The following PKHD1 variants were observed in gnomAD, a reference collection of about 807,000 sequenced individuals.
PKHD1 encodes PKHD1 ciliary IPT domain containing fibrocystin/polyductin, also known as fibrocystin.
In PKHD1, 291 loss-of-function variants were observed where a neutral mutation model predicts 412.0. The observed-to-expected ratio is 0.71, with a 90% CI of 0.64 to 0.78. The LOEUF (loss-of-function observed/expected upper bound fraction) is 0.78, where lower values mean the gene tolerates loss of function less well. Ranked by LOEUF, PKHD1 falls within the 30% of genes least tolerant of loss-of-function variation. The pLI is 0.00. For missense variants in PKHD1, 4,825 were observed against 4,950.7 expected (o/e 0.97, Z 0.76); for synonymous variants, 1,777 against 1,821.5 (o/e 0.98, Z 0.62).
At chr6:51,656,924 GA>G (rs2150401367) in intron 61 of PKHD1, among the ~76,000 whole-genome samples, 1 of 151,998 alleles carries the variant, frequency 6.6e-6, no homozygotes, top group African/African-American at 2.4e-5. Flanking sequence ...CCAAAGTGCT[GA>G]GATTACAGGT....
At chr6:51,739,077 T>G (rs1307304238) in intron 60 of PKHD1, among the ~76,000 whole-genome samples, 1 of 147,832 alleles carries the variant, frequency 6.8e-6, no homozygotes, top group Non-Finnish European at 1.5e-5. Context: ...TTATATATTT[T>G]TTATATATTT....
At chr6:51,904,717 A>G (rs1781813518) in intron 41 of PKHD1, among the ~76,000 whole-genome samples, 1 of 152,188 alleles carries the variant, frequency 6.6e-6, no homozygotes, top group South Asian at 2.1e-4. Context: ...ATAATTCACA[A>G]CATTCAAGCA....
At chr6:51,667,319 G>GT (rs1188079161) in intron 60 of PKHD1, among the ~76,000 whole-genome samples, 2 of 151,416 alleles carry the variant, frequency 1.3e-5, no homozygotes, top group Non-Finnish European at 2.9e-5. Context: ...TTTTTCATGT[G>GT]TTTTTTGGCT....
chr6:52,024,676 C>T lies in PKHD1; in HGVS notation c.5134G>A (p.Gly1712Arg), dbSNP rs141103838. ...LQCVVPSLPA[G>R]EYHVRGYDCI... ...TCATAGCCTCTGACGTGGTACTCCCCGGCCGGAAGGGAAGGGACCACGCAC... is the reference window on the plus strand; with the variant it reads ...TCATAGCCTCTGACGTGGTACTCCCTGGCCGGAAGGGAAGGGACCACGCAC... Residue 1712 changes from glycine to arginine, a missense_variant, in exon 32 of 67, where the codon GGG becomes AGG. By Grantham distance (125) the Gly-to-Arg change is moderately radical. Transcript: ENST00000371117. 1,374 of 1,614,140 alleles carry T rather than the reference C, an allele frequency of 8.5e-4. No homozygotes were observed. The highest frequency in any genetic ancestry group is 3.1e-3 in the Middle Eastern group (19 of 6,062).
chr6:51,943,001 C>T (rs1007736293), intron 36 of PKHD1, among the ~76,000 whole-genome samples: 4 of 151,680 alleles, frequency 2.6e-5, no homozygotes, highest in Middle Eastern at 3.4e-3. Context: ...TAGACACTTT[C>T]ACTGGATAGG....
At chr6:52,062,704 C>T in intron 13 of PKHD1, 44 bp from the exon 14 acceptor site, 1 of 1,611,956 alleles carries the variant, frequency 6.2e-7, no homozygotes, top group Non-Finnish European at 8.5e-7. Flanking sequence ...GGCGCACCTT[C>T]CCAAATTGGG....
rs1258573420 is a variant in PKHD1, at chr6:51,887,134, T to G, written c.7108A>C (p.Arg2370=). The change falls in exon 44 of 67, where the codon AGG becomes CGG. Residue 2370 remains arginine (R), a splice_region_variant and synonymous_variant. Transcript: ENST00000371117. ...FTQNIAHSCT[R]YGLFVYPKFQ... is the part of the protein sequence containing the mutation. ...ATAGATGAATTTCCCCAAAGTTACC[T>G]GGTACAAGAATGTGCAATGTTCTGA... The G allele has an allele frequency of 1.3e-6, 2 of 1,585,458 alleles. No homozygotes were observed. The highest frequency in any genetic ancestry group is 1.7e-6 in the Non-Finnish European group (2 of 1,153,982).
At chr6:51,965,644 A>C (rs1225741546) in intron 35 of PKHD1, among the ~76,000 whole-genome samples, 2 of 152,058 alleles carry the variant, frequency 1.3e-5, no homozygotes, top group African/African-American at 4.8e-5. Flanking sequence ...ACTGTGTAGC[A>C]CATTGACTAC....
chr6:51,784,960 A>G (rs1792635181), intron 53 of PKHD1, among the ~76,000 whole-genome samples: 1 of 152,108 alleles, frequency 6.6e-6, no homozygotes, highest in Non-Finnish European at 1.5e-5. Flanking sequence ...TACTTTTCCT[A>G]TTTAATTTCT....
rs1775438401 is a variant in PKHD1, at chr6:51,673,993, TGTA to T, written c.10157-14027_10157-14025del. On this transcript the variant is annotated intron_variant, in intron 60 of 66. Transcript: ENST00000371117. The stretch of plus-strand genomic sequence containing the variant: ...TCATGAATGGATTGGGAAGGAGATG[TGTA>T]TTCTAGAGATGGTAGATAGAGAGTG... Among the ~76,000 whole-genome samples the T allele has an allele frequency of 3.3e-5, 5 of 152,138 alleles. No homozygotes were observed. The South Asian group carries it at 1.0e-3, about 32-fold the overall frequency.
intron 34 of PKHD1, among the ~76,000 whole-genome samples, chr6:52,016,209 C>T (rs951880551): frequency 2.0e-5 from 3 of 152,194 alleles, no homozygotes; most frequent in Admixed American, 2.0e-4. Flanking sequence ...TTTCCTCCAG[C>T]TAAACCTAAA....
chr6:51,953,972 A>G (rs910493316), intron 36 of PKHD1, among the ~76,000 whole-genome samples: 2 of 152,062 alleles, frequency 1.3e-5, no homozygotes, highest in Non-Finnish European at 2.9e-5. Context: ...TGCATTCTGA[A>G]GATAACAGAA....
chr6:51,670,660 T>C (rs1774779576), intron 60 of PKHD1, among the ~76,000 whole-genome samples: 1 of 152,184 alleles, frequency 6.6e-6, no homozygotes, highest in African/African-American at 2.4e-5. Context: ...CTTTACAATT[T>C]GGCATGATTT....
intron 60 of PKHD1, among the ~76,000 whole-genome samples, chr6:51,736,841 T>G (rs1218778793): frequency 2.0e-5 from 3 of 152,114 alleles, no homozygotes; most frequent in Non-Finnish European, 2.9e-5. Flanking sequence ...AAGAGAAGCC[T>G]AGAAACCTTA....
intron 52 of PKHD1, 48 bp from the exon 53 acceptor site, chr6:51,791,421 T>C (rs1793729284): frequency 1.3e-6 from 2 of 1,584,976 alleles, no homozygotes; most frequent in South Asian, 2.2e-5. Flanking sequence ...AAACAAGAAT[T>C]ACGTGTTTAT....
At chr6:51,964,190 T>G (rs1334902434) in intron 35 of PKHD1, among the ~76,000 whole-genome samples, 2 of 152,140 alleles carry the variant, frequency 1.3e-5, no homozygotes, top group Middle Eastern at 3.2e-3. Context: ...TCACCTTAAA[T>G]GTACTTGCAA....
At chr6:51,891,724 C>T (rs1779155197) in intron 43 of PKHD1, among the ~76,000 whole-genome samples, 1 of 151,564 alleles carries the variant, frequency 6.6e-6, no homozygotes, top group African/African-American at 2.4e-5. Flanking sequence ...CACACACACA[C>T]ACACACACAC....
At chr6:51,881,036 G>T (rs1480337394) in intron 46 of PKHD1, among the ~76,000 whole-genome samples, 1 of 147,074 alleles carries the variant, frequency 6.8e-6, no homozygotes, top group Non-Finnish European at 1.5e-5. Flanking sequence ...TAAAATCAGA[G>T]TCCCATAACC....
chr6:51,855,490 G>A (rs892277791), intron 49 of PKHD1, among the ~76,000 whole-genome samples: 9 of 152,150 alleles, frequency 5.9e-5, no homozygotes, highest in Admixed American at 5.9e-4. Flanking sequence ...AGTATGCAAT[G>A]TATAAATGCT....
Sources: allele counts gnomAD v4.1 joint callset (sites outside exome capture counted in the v4.1 genomes callset), GRCh38; gene constraint gnomAD v4.1.1; transcripts MANE v1.5; gene names NCBI Gene and HGNC (gene_info 2026-07-23, HGNC 2026-07-21).